The following NXPE4 variants were observed in gnomAD, a reference collection of about 807,000 sequenced individuals.
NXPE4 encodes the protein neurexophilin and PC-esterase domain family member 4.
In NXPE4, 42 loss-of-function variants were observed where a neutral mutation model predicts 33.3. The observed-to-expected ratio is 1.26, with a 90% confidence interval of 0.98 to 1.63. The LOEUF is 1.63. NXPE4 is among the 40% of genes most tolerant of loss of function. The pLI is 0.00. For missense variants in NXPE4, 709 were observed against 647.6 expected (o/e 1.09, Z -1.03); for synonymous variants, 253 against 234.9 (o/e 1.08, Z -0.71).
Position 114,570,742 on chromosome 11 carries a change from T to G in NXPE4, c.*196A>C. On this transcript the variant is annotated 3_prime_UTR_variant, in exon 6 of 6. Coordinates refer to ENST00000375478, the MANE Select transcript of NXPE4 (RefSeq NM_001077639.2). ...GGGTAGGCTCTTTTCATGAGTATTT[T>G]TAGTTTTATTTTTAAGTGGAAGCCC... The G allele has an allele frequency of 2.0e-6, 1 of 489,254 alleles. No homozygotes were observed. Among genetic ancestry groups the G allele is most frequent in the Non-Finnish European group, 3.6e-6 (1 of 280,034 alleles). The allele number at this position is 489,254 out of a possible 1,614,324, so 30.3% of individuals were successfully genotyped here. A position where few individuals can be genotyped will look rare whatever the true frequency, so the allele number is the denominator to read the frequency against.
upstream of NXPE4, among the ~76,000 whole-genome samples, chr11:114,599,597 G>A (rs1226054000): frequency 6.6e-6 from 1 of 152,142 alleles, no homozygotes; most frequent in Middle Eastern, 3.2e-3. Flanking sequence ...GGCTATACAG[G>A]GAGCATGGTA....
chr11:114,663,231 A>G, the NXPE4 span, among the ~76,000 whole-genome samples: 2 of 152,098 alleles, frequency 1.3e-5, no homozygotes, highest in Non-Finnish European at 2.9e-5. Context: ...AAGGGAAAAG[A>G]GGGGAGGACT....
the NXPE4 span, among the ~76,000 whole-genome samples, chr11:114,624,434 T>A: frequency 6.6e-6 from 1 of 151,232 alleles, no homozygotes; most frequent in African/African-American, 2.4e-5. Context: ...TGGATAATAA[T>A]TATTGCCTCA....
At chr11:114,573,528 T>A (rs564863510) in intron 5 of NXPE4, among the ~76,000 whole-genome samples, 56 of 151,966 alleles carry the variant, frequency 3.7e-4, no homozygotes, top group Non-Finnish European at 5.9e-4. Flanking sequence ...AAAAAGATAT[T>A]CCATGCAAAT....
rs746930616 is a variant in NXPE4 at position 114,580,268 on chromosome 11, C to G, written c.963G>C (p.Trp321Cys). 3 of 1,613,914 alleles carry G rather than the reference C, an allele frequency of 1.9e-6. No homozygotes were observed. The highest frequency in any genetic ancestry group is 2.5e-6 in the Non-Finnish European group (3 of 1,179,940). Residue 321 changes from tryptophan (W) to cysteine (C), a missense_variant, in exon 5 of 6, where the codon TGG (tryptophan) becomes TGC (cysteine). Transcript: ENST00000375478. The part of the protein sequence containing the change: ...MTSTIPSGHV[W>C]RNTWNPVSCS... ...AGGAGACAGGATTCCATGTGTTTCT[C>G]CAGACATGCCCACTGGGGATTGTGG... is the stretch of plus-strand genomic sequence containing the variant.
chr11:114,618,351 C>A, the NXPE4 span, among the ~76,000 whole-genome samples: 1 of 146,454 alleles, frequency 6.8e-6, no homozygotes, highest in African/African-American at 2.5e-5. Flanking sequence ...GTTACCTGGT[C>A]AATAATAAGT....
the NXPE4 span, among the ~76,000 whole-genome samples, chr11:114,653,547 T>C: frequency 2.7e-5 from 4 of 150,652 alleles, no homozygotes; most frequent in East Asian, 7.8e-4. Context: ...TTTTTTTTTT[T>C]TTTTTTTAGA....
intron 2 of NXPE4, 52 bp downstream of exon 2, chr11:114,594,612 G>T: frequency 8.6e-7 from 1 of 1,167,664 alleles, no homozygotes; most frequent in Non-Finnish European, 1.3e-6. Context: ...AACAGATGAG[G>T]TAATAAGCAA....
At chr11:114,589,899 A>T (rs1358089556) in intron 2 of NXPE4, among the ~76,000 whole-genome samples, 1 of 152,218 alleles carries the variant, frequency 6.6e-6, no homozygotes, top group Non-Finnish European at 1.5e-5. Context: ...CCATAGTCTC[A>T]ATCCATCTGG....
At chr11:114,660,995 AAC>A in the NXPE4 span, among the ~76,000 whole-genome samples, 44 of 152,182 alleles carry the variant, frequency 2.9e-4, no homozygotes, top group Non-Finnish European at 4.7e-4. Context: ...TAAAATTAAT[AAC>A]ACAGCATGAT....
At chr11:114,665,857 T>C in the NXPE4 span, among the ~76,000 whole-genome samples, 38 of 152,156 alleles carry the variant, frequency 2.5e-4, no homozygotes, top group Admixed American at 2.2e-3. Flanking sequence ...TGCCATTTAT[T>C]GACCACCTAC....
the NXPE4 span, among the ~76,000 whole-genome samples, chr11:114,660,201 G>A: frequency 6.6e-6 from 1 of 151,702 alleles, no homozygotes; most frequent in Non-Finnish European, 1.5e-5. Flanking sequence ...AGGCCTAAAT[G>A]GTTTTATTTG....
chr11:114,602,385 G>A, the NXPE4 span, among the ~76,000 whole-genome samples: 2 of 123,498 alleles, frequency 1.6e-5, no homozygotes, highest in African/African-American at 6.1e-5. Flanking sequence ...TATATATTAT[G>A]CTATATATTA....
chr11:114,635,671 T>A, the NXPE4 span, among the ~76,000 whole-genome samples: 1 of 151,898 alleles, frequency 6.6e-6, no homozygotes, highest in Non-Finnish European at 1.5e-5. Context: ...GTTTTTAGCC[T>A]GAAGTATTGT....
the NXPE4 span, among the ~76,000 whole-genome samples, chr11:114,631,903 C>T: frequency 1.3e-5 from 2 of 151,226 alleles, no homozygotes; most frequent in Admixed American, 6.6e-5. Flanking sequence ...AGTATTGCCT[C>T]GTGGGTCACT....
At chr11:114,592,843 CA>C (rs1949491256) in intron 2 of NXPE4, among the ~76,000 whole-genome samples, 1 of 152,002 alleles carries the variant, frequency 6.6e-6, no homozygotes, top group Admixed American at 6.6e-5. Flanking sequence ...ACCAATGGAA[CA>C]GAATAGAGAA....
At chr11:114,662,168 C>T in the NXPE4 span, among the ~76,000 whole-genome samples, 1 of 152,176 alleles carries the variant, frequency 6.6e-6, no homozygotes, top group Non-Finnish European at 1.5e-5. Flanking sequence ...ATTGCCAACA[C>T]AACCCCACCA....
the NXPE4 span, among the ~76,000 whole-genome samples, chr11:114,604,409 A>G: frequency 6.6e-6 from 1 of 151,918 alleles, no homozygotes; most frequent in African/African-American, 2.4e-5. Flanking sequence ...ATGGATAGTA[A>G]GTATTGCCTC....
chr11:114,659,110 A>G, the NXPE4 span, among the ~76,000 whole-genome samples: 2 of 152,338 alleles, frequency 1.3e-5, no homozygotes, highest in Non-Finnish European at 1.5e-5. Flanking sequence ...GATTGAGTCA[A>G]TGCTCCTCCC....
Sources: allele counts gnomAD v4.1 joint callset (sites outside exome capture counted in the v4.1 genomes callset), GRCh38; gene constraint gnomAD v4.1.1; transcripts MANE v1.5; gene names NCBI Gene and HGNC (gene_info 2026-07-23, HGNC 2026-07-21).